LMBR1: variants seen among roughly 807,000 people sequenced by gnomAD.
LMBR1 encodes limb development membrane protein 1, also known as limb region 1 protein homolog.
LMBR1 carries 52 observed loss-of-function variants against 73.9 expected under a neutral mutation model. The observed-to-expected ratio is 0.70, with a 90% CI of 0.56 to 0.89. The LOEUF (loss-of-function observed/expected upper bound fraction) is 0.89, where lower values mean the gene tolerates loss of function less well. Among genes scored for constraint, LMBR1 ranks in the 40% least tolerant of loss-of-function variants. LMBR1 has a pLI of 0.00. For synonymous variants in LMBR1, 215 were observed against 209.4 expected, an observed-to-expected ratio of 1.03 and a Z score of -0.23; for missense variants, 539 against 579.8, an observed-to-expected ratio of 0.93 and a Z score of 0.72.
chr7:156,774,553 C>T (rs554785817), intron 5 of LMBR1, among the ~76,000 whole-genome samples: 8 of 152,124 alleles, frequency 5.3e-5, no homozygotes, highest in African/African-American at 7.2e-5. Context: ...TGAGATCAGC[C>T]GGGTGAGACA....
At chr7:156,853,734 C>G (rs749826518) in intron 1 of LMBR1, among the ~76,000 whole-genome samples, 1 of 152,116 alleles carries the variant, frequency 6.6e-6, no homozygotes, top group Admixed American at 6.5e-5. Context: ...CAGCTCACTG[C>G]AACCTCCACT....
chr7:156,711,920 T>G (rs1812158779), intron 15 of LMBR1, among the ~76,000 whole-genome samples: 1 of 152,066 alleles, frequency 6.6e-6, no homozygotes, highest in African/African-American at 2.4e-5. Context: ...CTAGGAAAAC[T>G]CTTCTGGACA....
intron 1 of LMBR1, among the ~76,000 whole-genome samples, chr7:156,887,765 CAT>C (rs1233486704): frequency 1.3e-5 from 2 of 152,274 alleles, no homozygotes; most frequent in East Asian, 1.9e-4. Flanking sequence ...TTGCAAATCA[CAT>C]GTCTGATAAG....
intron 4 of LMBR1, among the ~76,000 whole-genome samples, chr7:156,802,405 A>G (rs1382086319): frequency 6.6e-6 from 1 of 152,246 alleles, no homozygotes; most frequent in Non-Finnish European, 1.5e-5. Flanking sequence ...TGCCTGCTAC[A>G]GTGCTGAGTA....
chr7:156,817,138 T>C (rs1834036774), intron 4 of LMBR1, among the ~76,000 whole-genome samples: 3 of 152,158 alleles, frequency 2.0e-5, no homozygotes, highest in Admixed American at 6.5e-5. Flanking sequence ...CAGATCACCA[T>C]AGGATGCATT....
intron 1 of LMBR1, among the ~76,000 whole-genome samples, chr7:156,864,155 A>AAAAAAAT (rs749142847): frequency 2.5e-5 from 3 of 122,182 alleles, no homozygotes; most frequent in South Asian, 5.4e-4. Context: ...CTGTCTCACA[A>AAAAAAAT]AAAAAATAAA....
intron 1 of LMBR1, among the ~76,000 whole-genome samples, chr7:156,883,442 T>C (rs991755171): frequency 2.0e-5 from 3 of 152,042 alleles, no homozygotes; most frequent in African/African-American, 7.2e-5. Flanking sequence ...TGAAAAATTA[T>C]CTCAAATGTA....
At chr7:156,869,028 T>C (rs534836744) in intron 1 of LMBR1, among the ~76,000 whole-genome samples, 14 of 152,326 alleles carry the variant, frequency 9.2e-5, no homozygotes, top group African/African-American at 2.6e-4. Flanking sequence ...AAAATCATGC[T>C]ATTAATAGAT....
chr7:156,702,733 T>C (rs1371557558), intron 15 of LMBR1, among the ~76,000 whole-genome samples: 1 of 152,252 alleles, frequency 6.6e-6, no homozygotes, highest in African/African-American at 2.4e-5. Flanking sequence ...TCTTAGCATA[T>C]GATCCAAGAA....
intron 14 of LMBR1, 60 bp downstream of exon 14, chr7:156,725,375 T>TA: frequency 1.0e-6 from 1 of 967,586 alleles, no homozygotes; most frequent in Non-Finnish European, 1.6e-6. Context: ...GACTATTAAA[T>TA]AAAGCAGTCT....
chr7:156,857,250 TAA>T (rs1448983261), intron 1 of LMBR1, among the ~76,000 whole-genome samples: 3 of 152,172 alleles, frequency 2.0e-5, no homozygotes, highest in African/African-American at 7.2e-5. Flanking sequence ...ATGTTGTCTA[TAA>T]AAAAGTATTT....
chr7:156,805,696 T>C (rs1831920461), intron 4 of LMBR1, among the ~76,000 whole-genome samples: 2 of 152,234 alleles, frequency 1.3e-5, no homozygotes, highest in South Asian at 2.1e-4. Flanking sequence ...AGGCATGGTG[T>C]TGAATCTCTA....
intron 4 of LMBR1, among the ~76,000 whole-genome samples, chr7:156,805,934 G>C (rs999034339): frequency 6.6e-5 from 10 of 152,162 alleles, no homozygotes; most frequent in African/African-American, 2.4e-4. Context: ...CTCAGCCATG[G>C]AAGGATGCGA....
At chr7:156,716,788 A>G (rs1426942243) in intron 15 of LMBR1, among the ~76,000 whole-genome samples, 1 of 152,024 alleles carries the variant, frequency 6.6e-6, no homozygotes, top group East Asian at 1.9e-4. Flanking sequence ...TACAAGTCTG[A>G]CTCTTCTCAC....
chr7:156,698,414 C>T (rs915915674), intron 15 of LMBR1, among the ~76,000 whole-genome samples: 11 of 152,234 alleles, frequency 7.2e-5, no homozygotes, highest in Non-Finnish European at 1.2e-4. Flanking sequence ...ATTTTCATTC[C>T]GTACTGCCCT....
chr7:156,686,136 T>A (rs1370368661), intron 16 of LMBR1, among the ~76,000 whole-genome samples: 1 of 152,282 alleles, frequency 6.6e-6, no homozygotes, highest in South Asian at 2.1e-4. Context: ...ACCCACTGAC[T>A]GAGCTGAAAT....
At chr7:156,728,842 C>A in intron 10 of LMBR1, 122 bp from the exon 11 acceptor site, 1 of 719,326 alleles carries the variant, frequency 1.4e-6, no homozygotes, top group Non-Finnish European at 2.2e-6. Flanking sequence ...TTTTAATTTT[C>A]CTCCATAAAC....
At chr7:156,794,403 A>G (rs1829743171) in intron 5 of LMBR1, among the ~76,000 whole-genome samples, 1 of 152,182 alleles carries the variant, frequency 6.6e-6, no homozygotes, top group African/African-American at 2.4e-5. Flanking sequence ...TTAAGTCTGT[A>G]AGGGGGAACA....
intron 1 of LMBR1, among the ~76,000 whole-genome samples, chr7:156,888,270 C>T (rs1471101167): frequency 2.6e-5 from 4 of 151,760 alleles, no homozygotes; most frequent in African/African-American, 4.8e-5. Flanking sequence ...GTTAGCTGGG[C>T]GTGGTGGCGG....
Sources: gnomAD v4.1 joint callset for allele counts (sites outside exome capture counted in the v4.1 genomes callset) on GRCh38, gnomAD v4.1.1 for gene constraint, MANE v1.5 for transcripts, NCBI Gene and HGNC (gene_info 2026-07-23, HGNC 2026-07-21) for gene names.